CACNB2: variants seen among roughly 807,000 people sequenced by gnomAD.
CACNB2 encodes the protein voltage-dependent L-type calcium channel subunit beta-2.
Under a neutral mutation model 73.3 loss-of-function variants are expected in CACNB2, and 42 were observed. The ratio of observed to expected loss-of-function variants is 0.57; its 90% confidence interval spans 0.45 to 0.74. The LOEUF (loss-of-function observed/expected upper bound fraction) is 0.74, where lower values mean the gene tolerates loss of function less well. CACNB2 is among the 30% of genes least tolerant of loss of function. The pLI, the probability that CACNB2 is intolerant of heterozygous loss-of-function variation, is 0.00. For synonymous variants in CACNB2, 348 were observed against 310.3 expected (o/e 1.12, Z -1.28); for missense variants, 940 against 853.0 (o/e 1.10, Z -1.27).
chr10:18,491,370 G>A lies in CACNB2; in HGVS notation c.334-6985G>A, dbSNP rs1327742749. Among the ~76,000 whole-genome samples the A allele has an allele frequency of 8.5e-5, 13 of 152,302 alleles. No individual in the cohort carries two copies. The East Asian group carries it at 2.5e-3, about 29-fold the overall frequency. Reference sequence around the variant, plus strand: ...AGGCCAAGGCGGGAGGATCACTTGAGGCCAGGAGTTCAAGACCAGCCTGGG... The same window carrying A: ...AGGCCAAGGCGGGAGGATCACTTGAAGCCAGGAGTTCAAGACCAGCCTGGG... On this transcript the variant is annotated intron_variant, in intron 3 of 13. Transcript: ENST00000324631.
chr10:18,260,341 AG>A, intron 2 of CACNB2: 1 of 644,696 alleles, frequency 1.6e-6, no homozygotes. Flanking sequence ...TCTAAATCAT[AG>A]GTGGTATGAG....
At chr10:18,463,773 C>T (rs1008835329) in intron 3 of CACNB2, among the ~76,000 whole-genome samples, 11 of 152,028 alleles carry the variant, frequency 7.2e-5, no homozygotes, top group African/African-American at 1.7e-4. Context: ...CCCCTCTCTA[C>T]TGGATCACTC....
chr10:18,158,773 G>A (rs1341386408), intron 2 of CACNB2, among the ~76,000 whole-genome samples: 1 of 152,194 alleles, frequency 6.6e-6, no homozygotes, highest in African/African-American at 2.4e-5. Flanking sequence ...AGAAAAATAG[G>A]TGGGGAAGAG....
intron 2 of CACNB2, among the ~76,000 whole-genome samples, chr10:18,329,504 G>GAAAAAA (rs11413915): frequency 5.3e-5 from 6 of 112,504 alleles, no homozygotes; most frequent in Non-Finnish European, 5.8e-5. Context: ...AGTAAAAAAA[G>GAAAAAA]AAAAAAAAAA....
chr10:18,151,952 CT>C (rs2031598117), intron 2 of CACNB2, among the ~76,000 whole-genome samples: 1 of 152,202 alleles, frequency 6.6e-6, no homozygotes, highest in African/African-American at 2.4e-5. Flanking sequence ...CCCCTGCCCC[CT>C]GTTTGTGTGG....
intron 2 of CACNB2, among the ~76,000 whole-genome samples, chr10:18,397,576 G>T (rs923986063): frequency 2.4e-4 from 37 of 151,920 alleles, no homozygotes; most frequent in African/African-American, 8.7e-4. Context: ...TTAGCCGAGT[G>T]TGGTGGTGCA....
intron 2 of CACNB2, among the ~76,000 whole-genome samples, chr10:18,254,248 A>G (rs964918594): frequency 2.0e-5 from 3 of 152,234 alleles, no homozygotes. Context: ...TCCTTTAAGT[A>G]TGACTGGGCT....
intron 2 of CACNB2, among the ~76,000 whole-genome samples, chr10:18,278,932 G>A (rs534095690): frequency 8.0e-4 from 121 of 152,090 alleles, no homozygotes; most frequent in African/African-American, 2.8e-3. Context: ...TGGGAGGATC[G>A]CTTGAACCCA....
chr10:18,184,132 A>G (rs2034029762), intron 2 of CACNB2, among the ~76,000 whole-genome samples: 1 of 152,158 alleles, frequency 6.6e-6, no homozygotes, highest in African/African-American at 2.4e-5. Context: ...TCATCTTTGT[A>G]TTCACTCTAA....
intron 2 of CACNB2, among the ~76,000 whole-genome samples, chr10:18,225,523 TTTTCTTTTCTTTTTC>T (rs1245491280): frequency 9.3e-5 from 13 of 139,604 alleles, no homozygotes; most frequent in East Asian, 1.9e-4. Flanking sequence ...TCTCTCTCTC[TTTTCTTTTCTTTTTC>T]TTTCTTTTCT....
At chr10:18,338,738 CTTTTT>C (rs553402190) in intron 2 of CACNB2, among the ~76,000 whole-genome samples, 7 of 102,436 alleles carry the variant, frequency 6.8e-5, no homozygotes, top group South Asian at 3.6e-4. Flanking sequence ...TCCTTCTTTC[CTTTTT>C]TTTTTTTTTT....
At chr10:18,225,564 C>G (rs1269019597) in intron 2 of CACNB2, among the ~76,000 whole-genome samples, 1 of 73,182 alleles carries the variant, frequency 1.4e-5, no homozygotes, top group African/African-American at 4.7e-5. Flanking sequence ...TTCCCTCCCT[C>G]CCTCCCTCCC....
chr10:18,295,041 A>G (rs918656615), intron 2 of CACNB2, among the ~76,000 whole-genome samples: 7 of 152,186 alleles, frequency 4.6e-5, no homozygotes, highest in Non-Finnish European at 8.8e-5. Flanking sequence ...AGAGTTGATA[A>G]TTTTGTTATT....
chr10:18,498,346 C>A lies in CACNB2; in HGVS notation c.334-9C>A. ...CTTATTTTTTTCCCTCTTCCTTTTCCCACTTTAGACAAAGCCCGTTGCATT... is the reference window on the plus strand; with the variant it reads ...CTTATTTTTTTCCCTCTTCCTTTTCACACTTTAGACAAAGCCCGTTGCATT... On this transcript the variant is annotated splice_polypyrimidine_tract_variant and intron_variant, in intron 3 of 13. Coordinates refer to ENST00000324631, the MANE Select transcript of CACNB2 (RefSeq NM_201596.3). The A allele has an allele frequency of 6.2e-7, 1 of 1,614,040 alleles. No individual in the cohort carries two copies. The highest frequency in any genetic ancestry group is 1.1e-5 in the South Asian group (1 of 91,074).
At chr10:18,511,806 C>A (rs1001374060) in intron 6 of CACNB2, among the ~76,000 whole-genome samples, 7 of 152,152 alleles carry the variant, frequency 4.6e-5, no homozygotes, top group African/African-American at 1.7e-4. Flanking sequence ...GGGACTTCGC[C>A]TGGATGGGCA....
intron 10 of CACNB2, among the ~76,000 whole-genome samples, chr10:18,528,883 A>G (rs1439186997): frequency 6.6e-6 from 1 of 152,176 alleles, no homozygotes; most frequent in East Asian, 1.9e-4. Context: ...TCTGTTACCC[A>G]GGCTGGAGTA....
At chr10:18,434,078 C>T (rs572268177) in intron 3 of CACNB2, among the ~76,000 whole-genome samples, 1 of 152,094 alleles carries the variant, frequency 6.6e-6, no homozygotes, top group African/African-American at 2.4e-5. Context: ...ACAGAAAAAC[C>T]ATTTTAAAAC....
At chr10:18,168,307 C>A (rs560582496) in intron 2 of CACNB2, among the ~76,000 whole-genome samples, 5 of 152,178 alleles carry the variant, frequency 3.3e-5, no homozygotes, top group African/African-American at 1.2e-4. Flanking sequence ...GCTTGGGAGG[C>A]TGTTAATGAG....
intron 2 of CACNB2, among the ~76,000 whole-genome samples, chr10:18,281,831 T>G (rs1279404126): frequency 6.6e-6 from 1 of 151,744 alleles, no homozygotes; most frequent in Non-Finnish European, 1.5e-5. Flanking sequence ...ATACAAAAAA[T>G]TAGCCGGGCA....
Sources: gnomAD v4.1 joint callset for allele counts (sites outside exome capture counted in the v4.1 genomes callset) on GRCh38, gnomAD v4.1.1 for gene constraint, MANE v1.5 for transcripts, NCBI Gene and HGNC (gene_info 2026-07-23, HGNC 2026-07-21) for gene names.